Variants in CPNE4 observed in about 807,000 individuals in gnomAD.
CPNE4 encodes the protein copine-4.
In CPNE4, 25 loss-of-function variants were observed where a neutral mutation model predicts 67.9. That is an observed-to-expected ratio of 0.37 (90% CI 0.27 to 0.51). CPNE4 has a LOEUF of 0.51. Ranked by LOEUF, CPNE4 falls within the 20% of genes least tolerant of loss-of-function variation. The probability of loss-of-function intolerance (pLI) is 0.93; values close to 1 mark genes in which losing one functional copy is unlikely to be tolerated. For missense variants in CPNE4, 464 were observed against 690.8 expected, an observed-to-expected ratio of 0.67 and a Z score of 3.68; for synonymous variants, 242 against 244.9, an observed-to-expected ratio of 0.99 and a Z score of 0.11.
intron 2 of CPNE4, among the ~76,000 whole-genome samples, chr3:131,791,272 T>G (rs2083711104): frequency 6.6e-6 from 1 of 152,200 alleles, no homozygotes; most frequent in South Asian, 2.1e-4. Context: ...ATGGAAGTTT[T>G]GTAATAGCCT....
At chr3:131,655,656 G>T (rs922215987) in intron 7 of CPNE4, among the ~76,000 whole-genome samples, 1 of 152,070 alleles carries the variant, frequency 6.6e-6, no homozygotes, top group South Asian at 2.1e-4. Flanking sequence ...ACGTCGGGGG[G>T]CAGGGGGGTG....
chr3:131,792,737 GTA>G (rs1421571305), intron 2 of CPNE4, among the ~76,000 whole-genome samples: 26 of 118,040 alleles, frequency 2.2e-4, no homozygotes, highest in East Asian at 1.4e-3. Context: ...ATACACGTGT[GTA>G]TATATGTATA....
At chr3:131,684,340 G>C (rs887471077) in intron 6 of CPNE4, among the ~76,000 whole-genome samples, 1 of 152,154 alleles carries the variant, frequency 6.6e-6, no homozygotes, top group South Asian at 2.1e-4. Flanking sequence ...ATGCCACTCA[G>C]GGCAACTGTG....
At chr3:132,035,797 T>C (rs1483221678), upstream of CPNE4, among the ~76,000 whole-genome samples, 2 of 152,302 alleles carry the variant, frequency 1.3e-5, no homozygotes, top group East Asian at 1.9e-4. Flanking sequence ...GACTCACAAA[T>C]TGGACTTTGG....
intron 2 of CPNE4, among the ~76,000 whole-genome samples, chr3:131,785,814 G>T (rs560686493): frequency 1.3e-5 from 2 of 152,072 alleles, no homozygotes; most frequent in East Asian, 3.9e-4. Flanking sequence ...TAATGCATGG[G>T]TTTTATGTTT....
At chr3:132,021,187 A>T (rs1412595260) in intron 1 of CPNE4, among the ~76,000 whole-genome samples, 2 of 152,230 alleles carry the variant, frequency 1.3e-5, no homozygotes, top group Non-Finnish European at 2.9e-5. Flanking sequence ...TGGTCATGCA[A>T]GAAGGATCCT....
intron 2 of CPNE4, among the ~76,000 whole-genome samples, chr3:131,810,996 G>A (rs2084503456): frequency 6.6e-6 from 1 of 152,084 alleles, no homozygotes; most frequent in South Asian, 2.1e-4. Context: ...TCATAGAGCA[G>A]AGAGTAGAAT....
intron 2 of CPNE4, among the ~76,000 whole-genome samples, chr3:131,799,879 C>A (rs2084027555): frequency 6.6e-6 from 1 of 150,824 alleles, no homozygotes; most frequent in African/African-American, 2.4e-5. Context: ...CCTTAAACAT[C>A]AGGTGGATTG....
At chr3:131,543,085 G>A (rs1935613955) in intron 14 of CPNE4, 1 of 337,084 alleles carries the variant, frequency 3.0e-6, no homozygotes, top group East Asian at 5.9e-5. Flanking sequence ...GCCTCATTCT[G>A]TGAGACCCTG....
intron 6 of CPNE4, among the ~76,000 whole-genome samples, chr3:131,671,459 A>ATGTGTG (rs58195413): frequency 4.1e-4 from 54 of 131,358 alleles, no homozygotes; most frequent in African/African-American, 1.4e-3. Context: ...GAGTGTACAC[A>ATGTGTG]TGTGTGTGTG....
chr3:131,850,527 C>G (rs754997177), intron 2 of CPNE4, among the ~76,000 whole-genome samples: 1 of 152,118 alleles, frequency 6.6e-6, no homozygotes, highest in Non-Finnish European at 1.5e-5. Flanking sequence ...ATAAATGCTT[C>G]TTTTCAAGTG....
chr3:131,585,260 C>T (rs553510670), intron 8 of CPNE4, among the ~76,000 whole-genome samples: 1 of 152,316 alleles, frequency 6.6e-6, no homozygotes, highest in African/African-American at 2.4e-5. Flanking sequence ...TCTATCCTGA[C>T]TCCCACCAAT....
At chr3:131,926,545 G>C (rs1583464587) in intron 1 of CPNE4, among the ~76,000 whole-genome samples, 1 of 152,064 alleles carries the variant, frequency 6.6e-6, no homozygotes, top group Non-Finnish European at 1.5e-5. Flanking sequence ...CTTGAGAAGG[G>C]GAAGGAGGAG....
intron 1 of CPNE4, 103 bp from the exon 2 acceptor site, chr3:131,905,547 C>G: frequency 6.5e-6 from 6 of 919,108 alleles, no homozygotes; most frequent in Non-Finnish European, 8.1e-6. Context: ...GTTTGACACA[C>G]AGTTTCAAAC....
intron 1 of CPNE4, among the ~76,000 whole-genome samples, chr3:131,935,873 G>A (rs2071204590): frequency 6.6e-6 from 1 of 151,992 alleles, no homozygotes; most frequent in African/African-American, 2.4e-5. Flanking sequence ...TTGTAGGGGA[G>A]AGGGCAGTGA....
At chr3:131,999,082 G>A (rs1233445379) in intron 1 of CPNE4, among the ~76,000 whole-genome samples, 1 of 151,808 alleles carries the variant, frequency 6.6e-6, no homozygotes. Flanking sequence ...ATAATAAGGG[G>A]CAATAGTATT....
Position 131,703,044 on chromosome 3 carries a change from C to G in CPNE4, c.361-3064G>C, listed in dbSNP as rs2081339132. 2.0e-5 allele frequency among the ~76,000 whole-genome samples: 3 copies of G among 152,112 alleles called. No homozygotes were observed. In the South Asian group the frequency reaches 6.2e-4, roughly 32 times the overall value. ...ATGAGTTGCCATTGATGTTGCTATT[C>G]TCAGGACAGTTGGGCAAAAATAGCA... On this transcript the variant is annotated intron_variant, in intron 3 of 15. Coordinates refer to ENST00000429747, the MANE Select transcript of CPNE4 (RefSeq NM_130808.3).
rs149158258 is a variant in CPNE4, at chr3:131,599,739, G to T, written c.682-12157C>A. On this transcript the variant is annotated intron_variant, in intron 7 of 15. Transcript: ENST00000429747. The stretch of plus-strand genomic sequence containing the variant: ...TGATGGACTCAACCTAAGGTGAGGT[G>T]AAAGTATGCTGGCAAGATGGGTCCA... Among the ~76,000 whole-genome samples the T allele has an allele frequency of 3.9e-5, 6 of 152,264 alleles. No individual in the cohort carries two copies. The East Asian group carries it at 1.2e-3, about 29-fold the overall frequency.
intron 2 of CPNE4, among the ~76,000 whole-genome samples, chr3:131,767,954 A>G (rs1198223211): frequency 1.3e-5 from 2 of 151,974 alleles, no homozygotes; most frequent in African/African-American, 2.4e-5. Context: ...TTGCCACTTC[A>G]TTTTTCCACT....
Sources: gnomAD v4.1 joint callset for allele counts (sites outside exome capture counted in the v4.1 genomes callset) on GRCh38, gnomAD v4.1.1 for gene constraint, MANE v1.5 for transcripts, NCBI Gene and HGNC (gene_info 2026-07-23, HGNC 2026-07-21) for gene names.